CNTNAP2: variants seen among roughly 807,000 people sequenced by gnomAD.
The protein encoded by CNTNAP2 is contactin-associated protein-like 2.
In CNTNAP2, 98 loss-of-function variants were observed where a neutral mutation model predicts 155.2. The observed-to-expected ratio is 0.63, with a 90% CI of 0.54 to 0.75. The LOEUF (loss-of-function observed/expected upper bound fraction) is 0.75, where lower values mean the gene tolerates loss of function less well. Ranked by LOEUF, CNTNAP2 falls within the 30% of genes least tolerant of loss-of-function variation. CNTNAP2 has a pLI of 0.00. For synonymous variants in CNTNAP2, 651 were observed against 631.2 expected (o/e 1.03, Z -0.47); for missense variants, 1,727 against 1,688.1 (o/e 1.02, Z -0.40).
intron 3 of CNTNAP2, among the ~76,000 whole-genome samples, chr7:146,993,456 C>T (rs898074570): frequency 5.3e-5 from 8 of 152,174 alleles, no homozygotes; most frequent in African/African-American, 1.7e-4. Context: ...ACTCCCTGAA[C>T]TCCTGCTGAT....
At chr7:146,127,832 A>C (rs997473219) in intron 1 of CNTNAP2, among the ~76,000 whole-genome samples, 2 of 152,200 alleles carry the variant, frequency 1.3e-5, no homozygotes, top group Non-Finnish European at 2.9e-5. Flanking sequence ...AAACTTGATA[A>C]CTATATATAT....
At chr7:147,193,958 T>A (rs142083465) in intron 8 of CNTNAP2, among the ~76,000 whole-genome samples, 1 of 151,972 alleles carries the variant, frequency 6.6e-6, no homozygotes, top group African/African-American at 2.4e-5. Context: ...GATTGTTTTT[T>A]TTTTCTTCTA....
At chr7:147,578,471 A>G (rs927341247) in intron 12 of CNTNAP2, among the ~76,000 whole-genome samples, 1 of 152,060 alleles carries the variant, frequency 6.6e-6, no homozygotes, top group African/African-American at 2.4e-5. Flanking sequence ...ATTCACATTG[A>G]TTGCTCTCCC....
chr7:148,097,340 T>TAAAAAAAAA (rs754030091), intron 15 of CNTNAP2, among the ~76,000 whole-genome samples: 26 of 78,460 alleles, frequency 3.3e-4, no homozygotes, highest in South Asian at 1.3e-3. Flanking sequence ...GTGTCATTTG[T>TAAAAAAAAA]AAAAAAAAAA....
chr7:146,136,058 C>G (rs1292518238), intron 1 of CNTNAP2, among the ~76,000 whole-genome samples: 1 of 152,102 alleles, frequency 6.6e-6, no homozygotes, highest in African/African-American at 2.4e-5. Flanking sequence ...TTGTAAAGCA[C>G]ACATTCATTT....
rs570345875 is a variant in CNTNAP2 at position 146,315,750 on chromosome 7, C to G, written c.97+198777C>G. Reference sequence around the variant, plus strand: ...GCTTTATGCTATCAATTATGAGTAGCCTTAGGTTAATTGCTATATTTAATT... The same window carrying G: ...GCTTTATGCTATCAATTATGAGTAGGCTTAGGTTAATTGCTATATTTAATT... On this transcript the variant is annotated intron_variant, in intron 1 of 23. Transcript: ENST00000361727. 6.6e-5 allele frequency among the ~76,000 whole-genome samples: 10 copies of G among 152,114 alleles called. No individual in the cohort carries two copies. The South Asian group carries it at 8.3e-4, about 13-fold the overall frequency.
At chr7:147,688,271 C>T (rs530184353) in intron 13 of CNTNAP2, among the ~76,000 whole-genome samples, 3 of 152,158 alleles carry the variant, frequency 2.0e-5, no homozygotes, top group Admixed American at 6.6e-5. Flanking sequence ...AACAAAATGT[C>T]GATAGCCCCA....
intron 8 of CNTNAP2, among the ~76,000 whole-genome samples, chr7:147,274,466 CTT>C (rs953625457): frequency 2.0e-5 from 3 of 152,060 alleles, no homozygotes; most frequent in African/African-American, 7.2e-5. Context: ...ACTTGTATGA[CTT>C]TTGATAAATG....
intron 13 of CNTNAP2, among the ~76,000 whole-genome samples, chr7:147,886,317 AC>A (rs1799597281): frequency 6.6e-6 from 1 of 151,922 alleles, no homozygotes; most frequent in African/African-American, 2.4e-5. Context: ...TAATAAAAAT[AC>A]AAAAAAATTA....
chr7:146,647,955 A>C (rs1799843319), intron 1 of CNTNAP2, among the ~76,000 whole-genome samples: 1 of 152,120 alleles, frequency 6.6e-6, no homozygotes, highest in Admixed American at 6.6e-5. Context: ...TTGACTCTTC[A>C]GCCTCAGCTC....
At position 148,330,180 on chromosome 7, in the gene CNTNAP2, G is replaced by A. The variant is rs576995488; in HGVS notation, c.3476-53469G>A. ...GATGGATGGAGTGGACGGATGGAGTGGACAGATGGAATGGGTGGATGGAGT... is the reference window on the plus strand; with the variant it reads ...GATGGATGGAGTGGACGGATGGAGTAGACAGATGGAATGGGTGGATGGAGT... On this transcript the variant is annotated intron_variant, in intron 21 of 23. Transcript: ENST00000361727. Among the ~76,000 whole-genome samples, 34 of 151,376 alleles carry A rather than the reference G, an allele frequency of 2.2e-4. No homozygotes were observed. The East Asian group carries it at 4.5e-3, about 20-fold the overall frequency.
intron 21 of CNTNAP2, among the ~76,000 whole-genome samples, chr7:148,363,818 GGA>G (rs889433550): frequency 6.7e-6 from 1 of 149,094 alleles, no homozygotes; most frequent in Non-Finnish European, 1.5e-5. Flanking sequence ...AGGTGTGGAG[GGA>G]GAGGCACGAG....
At chr7:146,344,566 G>GC (rs749873009) in intron 1 of CNTNAP2, among the ~76,000 whole-genome samples, 1 of 82,994 alleles carries the variant, frequency 1.2e-5, no homozygotes, top group South Asian at 2.8e-4. Context: ...TTCAACCTCT[G>GC]CCCCCAAGTT....
intron 3 of CNTNAP2, among the ~76,000 whole-genome samples, chr7:147,017,582 A>T (rs1308620263): frequency 2.6e-5 from 4 of 152,042 alleles, no homozygotes. Context: ...AAAAATTACA[A>T]TTTTTCATAA....
At chr7:147,231,690 G>A (rs1803684781) in intron 8 of CNTNAP2, among the ~76,000 whole-genome samples, 1 of 152,162 alleles carries the variant, frequency 6.6e-6, no homozygotes, top group Non-Finnish European at 1.5e-5. Flanking sequence ...TAGTGATGCT[G>A]AGCATCTCTT....
At chr7:146,433,110 G>A (rs1208682901) in intron 1 of CNTNAP2, among the ~76,000 whole-genome samples, 1 of 152,142 alleles carries the variant, frequency 6.6e-6, no homozygotes, top group Non-Finnish European at 1.5e-5. Context: ...AATTGCTTTT[G>A]TTTGGACTAC....
At chr7:146,127,790 A>G (rs1797657605) in intron 1 of CNTNAP2, among the ~76,000 whole-genome samples, 1 of 152,220 alleles carries the variant, frequency 6.6e-6, no homozygotes. Context: ...AGATGTCACC[A>G]AATCTTCTAA....
chr7:147,689,228 C>T (rs1796056202), intron 13 of CNTNAP2, among the ~76,000 whole-genome samples: 1 of 151,338 alleles, frequency 6.6e-6, no homozygotes, highest in South Asian at 2.1e-4. Context: ...CAGCTCACTG[C>T]AAGCTCCACC....
chr7:147,583,532 A>AT (rs1584831188), intron 12 of CNTNAP2, among the ~76,000 whole-genome samples: 5 of 138,808 alleles, frequency 3.6e-5, no homozygotes, highest in African/African-American at 8.4e-5. Flanking sequence ...ATATATATAT[A>AT]ATGTCAAACA....
Sources: gnomAD v4.1 joint callset for allele counts (sites outside exome capture counted in the v4.1 genomes callset) on GRCh38, gnomAD v4.1.1 for gene constraint, MANE v1.5 for transcripts, NCBI Gene and HGNC (gene_info 2026-07-23, HGNC 2026-07-21) for gene names.